DHX15: variants seen among roughly 807,000 people sequenced by gnomAD.
DHX15 encodes DEAH-box helicase 15.
In DHX15, 11 loss-of-function variants were observed where a neutral mutation model predicts 94.4. That is an observed-to-expected ratio of 0.12 (90% CI 0.07 to 0.19). The LOEUF (loss-of-function observed/expected upper bound fraction) is 0.19. Among genes scored for constraint, DHX15 ranks in the 10% least tolerant of loss-of-function variants. The pLI, the probability that DHX15 is intolerant of heterozygous loss-of-function variation, is 1.00. For synonymous variants in DHX15, 338 were observed against 329.9 expected (o/e 1.02, Z -0.27); for missense variants, 304 against 988.5 (o/e 0.31, Z 9.29).
intron 3 of DHX15, among the ~76,000 whole-genome samples, chr4:24,564,946 C>G (rs1721961607): frequency 6.6e-6 from 1 of 152,186 alleles, no homozygotes; most frequent in African/African-American, 2.4e-5. Flanking sequence ...AACCATACAG[C>G]TTTGTTAGTG....
chr4:24,576,792 G>T, intron 1 of DHX15, 114 bp from the exon 2 acceptor site: 1 of 1,396,862 alleles, frequency 7.2e-7, no homozygotes, highest in South Asian at 1.5e-5. Context: ...AAAGTCCAAT[G>T]GATTATGTAA....
At chr4:24,530,047 T>C (rs1721041143) in intron 12 of DHX15, 3 of 480,078 alleles carry the variant, frequency 6.2e-6, no homozygotes, top group Non-Finnish European at 7.4e-6. Flanking sequence ...CCGTGAAGCA[T>C]GAGTAGCATG....
chr4:24,581,108 G>A (rs908165679), intron 1 of DHX15, among the ~76,000 whole-genome samples: 1 of 151,136 alleles, frequency 6.6e-6, no homozygotes, highest in Admixed American at 6.6e-5. Context: ...TCGGCTCACT[G>A]CAAGCTCCGC....
chr4:24,541,667 A>AG (rs1721315695), intron 8 of DHX15, among the ~76,000 whole-genome samples: 1 of 151,918 alleles, frequency 6.6e-6, no homozygotes, highest in Non-Finnish European at 1.5e-5. Flanking sequence ...TAGGCGTGGG[A>AG]GGGGGAGGGT....
At chr4:24,547,929 ATATATATATATATCTATATC>A (rs1315302015) in intron 6 of DHX15, among the ~76,000 whole-genome samples, 812 of 40,970 alleles carry the variant, frequency 0.02, 10 homozygotes, top group Middle Eastern at 0.043. Context: ...ATATATATAT[ATATATATATATATCTATATC>A]TATATCTATA....
At chr4:24,557,056 T>A (rs1331736534) in intron 3 of DHX15, among the ~76,000 whole-genome samples, 11 of 152,074 alleles carry the variant, frequency 7.2e-5, no homozygotes, top group Non-Finnish European at 1.0e-4. Flanking sequence ...GTCAGATTGA[T>A]CAATGAACCA....
chr4:24,552,770 A>C (rs992129731), intron 5 of DHX15, among the ~76,000 whole-genome samples: 1 of 152,232 alleles, frequency 6.6e-6, no homozygotes, highest in African/African-American at 2.4e-5. Context: ...TAACTTAAAG[A>C]AGCAATGGTA....
chr4:24,556,847 TG>T lies in DHX15; in HGVS notation c.702-438del, dbSNP rs1721748346. ...TTACCACATGCAAATAAACATTTTT[TG>T]TTAAGCCTTAACAATTCCTTACTTA... On this transcript the variant is annotated intron_variant, in intron 3 of 13. Coordinates refer to ENST00000336812, the MANE Select transcript of DHX15 (RefSeq NM_001358.3). Among the ~76,000 whole-genome samples the T allele has an allele frequency of 2.6e-5, 4 of 152,226 alleles. No individual in the cohort carries two copies. The South Asian group carries it at 8.3e-4, about 31-fold the overall frequency.
chr4:24,563,975 G>C (rs1560772240), intron 3 of DHX15, among the ~76,000 whole-genome samples: 1 of 150,322 alleles, frequency 6.7e-6, no homozygotes, highest in Non-Finnish European at 1.5e-5. Flanking sequence ...GCTGAGGCAG[G>C]AGAATGGTGT....
Position 24,555,306 on chromosome 4 carries a change from GC to G in DHX15, c.862-364del, listed in dbSNP as rs562954380. Among the ~76,000 whole-genome samples, 1,269 of 129,130 alleles carry G rather than the reference GC, an allele frequency of 9.8e-3. 20 individuals are homozygous for G. Among genetic ancestry groups the G allele is most frequent in the African/African-American group, 0.031 (1,177 of 37,596 alleles). The allele number at this position is 129,130 out of a possible 152,430, so 84.7% of individuals were successfully genotyped here. On this transcript the variant is annotated intron_variant, in intron 4 of 13. Transcript: ENST00000336812. ...TTGCAAATAGGAAAAAACAGAAAAT[GC>G]AAAAAAAAAAAATAAGTGGACCAGA...
At chr4:24,569,530 T>A (rs1175840270) in intron 3 of DHX15, among the ~76,000 whole-genome samples, 2 of 134,016 alleles carry the variant, frequency 1.5e-5, no homozygotes, top group African/African-American at 5.6e-5. Flanking sequence ...AGGCGGAGGT[T>A]GCAGAGAGCC....
At position 24,527,948 on chromosome 4, in the gene DHX15, T is replaced by C. The variant is rs147939940; in HGVS notation, c.2364A>G (p.Gln788=). The C allele has an allele frequency of 4.2e-5, 67 of 1,612,992 alleles. No homozygotes were observed. In the African/African-American group the frequency reaches 5.7e-4, roughly 14 times the overall value. The part of the protein sequence containing the change: ...RQLDRIIAKL[Q]SKEYSQY ...TTCAGTACTGTGAATATTCCTTGGA[T>C]TGAAGTTTGGCAATGATGCGGTCCA... The change falls in exon 14 of 14, where the codon CAA becomes CAG. Residue 788 remains glutamine, a synonymous_variant. Transcript: ENST00000336812.
rs555672870 is a variant in DHX15 at position 24,535,432 on chromosome 4, G to T, written c.1909+1619C>A. On this transcript the variant is annotated intron_variant, in intron 11 of 13. Coordinates refer to ENST00000336812, the MANE Select transcript of DHX15 (RefSeq NM_001358.3). ...ACCCAGCATGTTTCGCATAGAAGAG[G>T]AATACAGTAGGTTTTTTGAGTAGAT... Among the ~76,000 whole-genome samples the T allele has an allele frequency of 4.6e-5, 7 of 152,270 alleles. No individual in the cohort carries two copies. In the South Asian group the frequency reaches 1.2e-3, roughly 27 times the overall value.
intron 5 of DHX15, among the ~76,000 whole-genome samples, chr4:24,551,310 G>T (rs1705541598): frequency 6.6e-6 from 1 of 151,924 alleles, no homozygotes; most frequent in Non-Finnish European, 1.5e-5. Context: ...CAAAGTGCGT[G>T]TTTTTTTCAA....
At chr4:24,528,193 C>A (rs537503238) in intron 13 of DHX15, 152 bp from the exon 14 acceptor site, 88 of 576,066 alleles carry the variant, frequency 1.5e-4, no homozygotes, top group Non-Finnish European at 2.0e-4. Flanking sequence ...CTAATCCTTA[C>A]AAATAGCACT....
At chr4:24,539,681 T>C (rs1313484167) in intron 10 of DHX15, 1 of 152,584 alleles carries the variant, frequency 6.6e-6, no homozygotes, top group Admixed American at 6.5e-5. Flanking sequence ...AGTACATATA[T>C]AGAAAAGGCT....
At chr4:24,556,223 G>A (rs1255031995) in intron 4 of DHX15, 28 bp downstream of exon 4, 3 of 1,605,614 alleles carry the variant, frequency 1.9e-6, no homozygotes, top group African/African-American at 1.3e-5. Flanking sequence ...CACATATATA[G>A]TTAAATGGAG....
rs1162862199 is a variant in DHX15, at chr4:24,563,437, A to G, written c.702-7027T>C. The G allele has an allele frequency of 8.5e-5, 13 of 152,218 alleles. 1 individual carries two copies. 9.4% of individuals were successfully genotyped at this position (152,218 alleles called of 1,614,324 possible). A position where few individuals can be genotyped will look rare whatever the true frequency, so the allele number is the denominator to read the frequency against. ...CTCAGCCTCCCAAAGTATTGGGATT[A>G]CAGGCATAAGCCACTGCACCTGGAC... On this transcript the variant is annotated intron_variant, in intron 3 of 13. Transcript: ENST00000336812.
At chr4:24,562,698 T>C (rs1721909112) in intron 3 of DHX15, among the ~76,000 whole-genome samples, 1 of 152,234 alleles carries the variant, frequency 6.6e-6, no homozygotes, top group Non-Finnish European at 1.5e-5. Flanking sequence ...AATATACACA[T>C]AATCCTGTCT....
Sources: gnomAD v4.1 joint callset for allele counts (sites outside exome capture counted in the v4.1 genomes callset) on GRCh38, gnomAD v4.1.1 for gene constraint, MANE v1.5 for transcripts, NCBI Gene and HGNC (gene_info 2026-07-23, HGNC 2026-07-21) for gene names.